FGF13: variants seen among roughly 807,000 people sequenced by gnomAD.
FGF13 encodes fibroblast growth factor 13.
Under a neutral mutation model 19.5 loss-of-function variants are expected in FGF13, and 2 were observed. The observed-to-expected ratio is 0.10, with a 90% CI of 0.04 to 0.32. The LOEUF (loss-of-function observed/expected upper bound fraction) is 0.32, where lower values mean the gene tolerates loss of function less well. Among genes scored for constraint, FGF13 ranks in the 10% least tolerant of loss-of-function variants. The pLI is 1.00. For synonymous variants in FGF13, 72 were observed against 76.9 expected (o/e 0.94, Z 0.33); for missense variants, 113 against 192.7 (o/e 0.59, Z 2.45).
intron 1 of FGF13, among the ~76,000 whole-genome samples, chrX:138,972,342 A>T (rs1281073942): frequency 1.1e-5 from 1 of 88,549 alleles, no homozygotes; most frequent in Non-Finnish European, 2.2e-5. Flanking sequence ...CCCTTTCTAC[A>T]CATCTTCACC....
chrX:138,886,203 C>G (rs904002148), intron 1 of FGF13, among the ~76,000 whole-genome samples: 1 of 111,703 alleles, frequency 9.0e-6, no homozygotes, highest in East Asian at 2.8e-4. Flanking sequence ...AATGAAGGTG[C>G]GTTCTACATT....
At chrX:139,157,134 A>G (rs1407789560) in intron 1 of FGF13, among the ~76,000 whole-genome samples, 2 of 111,395 alleles carry the variant, frequency 1.8e-5, no homozygotes, top group Non-Finnish European at 1.9e-5. Context: ...TTATTTCCTT[A>G]CCATAGCCCT....
chrX:138,929,620 A>G (rs1367396505), intron 1 of FGF13, among the ~76,000 whole-genome samples: 3 of 111,261 alleles, frequency 2.7e-5, no homozygotes, highest in African/African-American at 9.8e-5. Context: ...GCACTTAGCA[A>G]ATAAGAGGCC....
chrX:138,880,293 A>G (rs893278846), intron 1 of FGF13, among the ~76,000 whole-genome samples: 2 of 111,954 alleles, frequency 1.8e-5, no homozygotes, highest in African/African-American at 6.5e-5. Flanking sequence ...AGGATCTAGA[A>G]TCAGAAATAC....
chrX:138,705,139 A>G (rs780838518), intron 2 of FGF13, among the ~76,000 whole-genome samples: 15 of 112,277 alleles, frequency 1.3e-4, no homozygotes, highest in Non-Finnish European at 2.3e-4. Flanking sequence ...CTTGACAACT[A>G]TAATATCAGT....
chrX:138,907,084 G>A (rs1300891430), intron 1 of FGF13, among the ~76,000 whole-genome samples: 5 of 111,281 alleles, frequency 4.5e-5, no homozygotes, highest in Admixed American at 9.6e-5. Context: ...TGGCTAGGAC[G>A]GTAGAGTTAG....
intron 3 of FGF13, among the ~76,000 whole-genome samples, chrX:138,647,424 G>A (rs956656925): frequency 9.0e-6 from 1 of 110,982 alleles, no homozygotes; most frequent in Admixed American, 9.6e-5. Flanking sequence ...TCCTATTTAC[G>A]ACTAAACTGC....
At chrX:138,882,924 G>A (rs2091434581) in intron 1 of FGF13, among the ~76,000 whole-genome samples, 1 of 111,230 alleles carries the variant, frequency 9.0e-6, no homozygotes, top group Admixed American at 9.6e-5. Context: ...GAGGCTAGGA[G>A]AAAAGATAGA....
At chrX:139,004,028 T>C (rs891321819) in intron 1 of FGF13, among the ~76,000 whole-genome samples, 3 of 112,249 alleles carry the variant, frequency 2.7e-5, no homozygotes, top group Non-Finnish European at 5.6e-5. Context: ...TGCACTCGCA[T>C]TCCTTGGCCC....
At chrX:138,885,135 T>TAG (rs1384049462) in intron 1 of FGF13, among the ~76,000 whole-genome samples, 1 of 111,667 alleles carries the variant, frequency 9.0e-6, no homozygotes, top group East Asian at 2.8e-4. Context: ...GTTCCTTAGG[T>TAG]AGAAGCAGAT....
intron 1 of FGF13, among the ~76,000 whole-genome samples, chrX:139,028,608 TGTGTGTGTGAGAGA>T (rs1186613337): frequency 8.7e-5 from 5 of 57,156 alleles, no homozygotes; most frequent in African/African-American, 2.3e-4. Flanking sequence ...TGTGTGTGTG[TGTGTGTGTGAGAGA>T]GAGAGAGAGA....
intron 1 of FGF13, among the ~76,000 whole-genome samples, chrX:138,954,882 A>G (rs1205422412): frequency 8.9e-6 from 1 of 112,156 alleles, no homozygotes; most frequent in Non-Finnish European, 1.9e-5. Flanking sequence ...GAAAATCACC[A>G]TGTTTGAATG....
chrX:138,984,523 G>GGAAGAAGAAGAA lies in FGF13; in HGVS notation c.-112-119885_-112-119874dup, dbSNP rs1209275314. On this transcript the variant is annotated intron_variant, in intron 1 of 2. Coordinates refer to the FGF13 transcript ENST00000421460. ...AAGGAGAAGAAGAGGAAGAAGAAGA[G>GGAAGAAGAAGAA]GAAGAAGAAGAAGAAGAAGAAGAAG... Among the ~76,000 whole-genome samples, 286 of 31,518 alleles carry GGAAGAAGAAGAA rather than the reference G, an allele frequency of 9.1e-3. 3 individuals are homozygous for GGAAGAAGAAGAA. The highest frequency in any genetic ancestry group is 0.022 in the Admixed American group (47 of 2,101). The allele number at this position is 31,518 out of a possible 115,157, so 27.4% of individuals were successfully genotyped here.
chrX:139,012,606 C>T (rs2092133876), intron 1 of FGF13, among the ~76,000 whole-genome samples: 1 of 111,270 alleles, frequency 9.0e-6, no homozygotes, highest in Admixed American at 9.5e-5. Flanking sequence ...GAAAGGACAC[C>T]CTGTTCAACA....
intron 1 of FGF13, among the ~76,000 whole-genome samples, chrX:139,095,509 T>C (rs4829960): frequency 0.09 from 10,024 of 111,542 alleles, 579 homozygotes; most frequent in African/African-American, 0.2. Context: ...AGAGATAGCT[T>C]GGGTAGTAGA....
At chrX:139,084,300 T>C (rs370609036) in intron 1 of FGF13, among the ~76,000 whole-genome samples, 7 of 111,123 alleles carry the variant, frequency 6.3e-5, no homozygotes, top group East Asian at 2.8e-4. Flanking sequence ...CTACATGTCA[T>C]TGGTGAATAT....
intron 1 of FGF13, among the ~76,000 whole-genome samples, chrX:138,727,489 A>C (rs142368059): frequency 0.015 from 1,637 of 111,758 alleles, 11 homozygotes; most frequent in Non-Finnish European, 0.022. Context: ...AGTGAACAAA[A>C]TAACATTCTG....
At position 138,878,075 on chromosome X, in the gene FGF13, C is replaced by T. The variant is rs192349298; in HGVS notation, c.-112-13425G>A. Reference sequence around the variant, plus strand: ...CCACATAAGGGTTCCAGTTTCTCCACATCCTCATCTTCACTTATTTTCCTT... The same window carrying T: ...CCACATAAGGGTTCCAGTTTCTCCATATCCTCATCTTCACTTATTTTCCTT... On this transcript the variant is annotated intron_variant, in intron 1 of 2. Coordinates refer to the FGF13 transcript ENST00000421460. Among the ~76,000 whole-genome samples the T allele has an allele frequency of 5.9e-4, 66 of 111,906 alleles. 1 individual carries two copies. Among genetic ancestry groups the T allele is most frequent in the African/African-American group, 2.1e-3 (64 of 30,830 alleles).
chrX:138,895,479 A>T (rs1206154378), intron 1 of FGF13, among the ~76,000 whole-genome samples: 1 of 112,332 alleles, frequency 8.9e-6, no homozygotes, highest in Non-Finnish European at 1.9e-5. Flanking sequence ...CAACAAATCA[A>T]AACCATAATG....
Sources: allele counts gnomAD v4.1 joint callset (sites outside exome capture counted in the v4.1 genomes callset), GRCh38; gene constraint gnomAD v4.1.1; transcripts MANE v1.5; gene names NCBI Gene and HGNC (gene_info 2026-07-23, HGNC 2026-07-21).